The following RGS12 variants were observed in gnomAD, a reference collection of about 807,000 sequenced individuals.
RGS12 encodes regulator of G protein signaling 12, also known as regulator of G-protein signaling 12.
In RGS12, 66 loss-of-function variants were observed where a neutral mutation model predicts 120.1. The ratio of observed to expected loss-of-function variants is 0.55; its 90% confidence interval spans 0.45 to 0.67. The LOEUF is 0.67. Ranked by LOEUF, RGS12 falls within the 30% of genes least tolerant of loss-of-function variation. The pLI is 0.00. For synonymous variants in RGS12, 827 were observed against 804.7 expected, an observed-to-expected ratio of 1.03 and a Z score of -0.47; for missense variants, 1,859 against 1,957.7, an observed-to-expected ratio of 0.95 and a Z score of 0.95.
At chr4:3,431,385 T>G (rs971038070) in intron 17 of RGS12, 1 of 1,027,704 alleles carries the variant, frequency 9.7e-7, no homozygotes, top group Non-Finnish European at 1.2e-6. Context: ...TGAAGCCCGC[T>G]GTGTTCATAG....
chr4:3,301,191 T>TC (rs569807057), intron 1 of RGS12, among the ~76,000 whole-genome samples: 5 of 150,398 alleles, frequency 3.3e-5, no homozygotes, highest in African/African-American at 1.2e-4. Context: ...ACGGGGTCTG[T>TC]CCCGGCTGCC....
chr4:3,361,753 C>T lies in RGS12; in HGVS notation c.1998+18700C>T, dbSNP rs116386524. On this transcript the variant is annotated intron_variant, in intron 3 of 17. Transcript: ENST00000336727. Reference sequence around the variant, plus strand: ...TTCTGCAAGGGAGGCAGTGACAGGCCTGTTGAGGAAGGATGCAGTCAGAGG... The same window carrying T: ...TTCTGCAAGGGAGGCAGTGACAGGCTTGTTGAGGAAGGATGCAGTCAGAGG... 7.6e-3 allele frequency among the ~76,000 whole-genome samples: 1,160 copies of T among 152,288 alleles called. 20 individuals carry two copies. The highest frequency in any genetic ancestry group is 0.027 in the African/African-American group (1,116 of 41,554).
chr4:3,362,482 ATG>A (rs1490211253), intron 3 of RGS12, among the ~76,000 whole-genome samples: 2 of 44,224 alleles, frequency 4.5e-5, no homozygotes, highest in African/African-American at 1.5e-4. Context: ...GGGTGTGTGT[ATG>A]TGAGGGTGTG....
intron 1 of RGS12, among the ~76,000 whole-genome samples, chr4:3,308,990 G>C (rs919960864): frequency 2.0e-5 from 3 of 152,132 alleles, no homozygotes; most frequent in Non-Finnish European, 2.9e-5. Context: ...GCAGGTGTCC[G>C]CTGAGGGGAA....
intron 17 of RGS12, among the ~76,000 whole-genome samples, chr4:3,435,703 C>G (rs1443631605): frequency 6.6e-6 from 1 of 152,114 alleles, no homozygotes; most frequent in Non-Finnish European, 1.5e-5. Context: ...ACACGTGGTC[C>G]TCCCGGATCC....
At chr4:3,307,921 A>G (rs1338863025) in intron 1 of RGS12, among the ~76,000 whole-genome samples, 1 of 152,254 alleles carries the variant, frequency 6.6e-6, no homozygotes, top group Non-Finnish European at 1.5e-5. Context: ...AGAGCAGGGC[A>G]TATTTTCCTT....
At chr4:3,318,157 G>C in intron 2 of RGS12, 106 bp downstream of exon 2, 1 of 1,018,114 alleles carries the variant, frequency 9.8e-7, no homozygotes, top group Non-Finnish European at 1.4e-6. Flanking sequence ...GCTTCCTCCT[G>C]CTGGCCCTGT....
chr4:3,381,385 G>A (rs963216424), intron 3 of RGS12, among the ~76,000 whole-genome samples: 5 of 152,204 alleles, frequency 3.3e-5, no homozygotes, highest in African/African-American at 1.2e-4. Flanking sequence ...CTTTACGGCA[G>A]CACCCTACTT....
chr4:3,328,635 A>G (rs1469549065), intron 2 of RGS12, among the ~76,000 whole-genome samples: 1 of 152,228 alleles, frequency 6.6e-6, no homozygotes, highest in Non-Finnish European at 1.5e-5. Flanking sequence ...GACTACGACT[A>G]TATATACATA....
At chr4:3,353,220 T>A (rs1006438231) in intron 3 of RGS12, among the ~76,000 whole-genome samples, 1 of 152,194 alleles carries the variant, frequency 6.6e-6, no homozygotes, top group African/African-American at 2.4e-5. Context: ...TAACGAGGCC[T>A]GGGGCAGGAC....
At chr4:3,425,376 G>A in intron 13 of RGS12, 88 bp from the exon 14 acceptor site, 1 of 1,176,772 alleles carries the variant, frequency 8.5e-7, no homozygotes, top group Non-Finnish European at 1.3e-6. Flanking sequence ...TCAAGCCTAG[G>A]ACAGTCATGC....
chr4:3,337,676 G>A (rs1712623544), intron 2 of RGS12, among the ~76,000 whole-genome samples: 1 of 152,150 alleles, frequency 6.6e-6, no homozygotes, highest in South Asian at 2.1e-4. Context: ...CAGAAAGCGG[G>A]AGAGGGGGCC....
chr4:3,385,266 G>A (rs981577935), intron 3 of RGS12: 14 of 152,348 alleles, frequency 9.2e-5, no homozygotes, highest in African/African-American at 3.4e-4. Flanking sequence ...GACAGAAGTG[G>A]GTCCTTGCCA....
At chr4:3,318,609 C>T (rs1724968753) in intron 2 of RGS12, among the ~76,000 whole-genome samples, 1 of 152,238 alleles carries the variant, frequency 6.6e-6, no homozygotes, top group African/African-American at 2.4e-5. Context: ...AGGGGTACCT[C>T]AAGGTGTGTA....
chr4:3,362,481 TATGTGAGGGTGTGTGTGAGGGTGC>T (rs1715691719), intron 3 of RGS12, among the ~76,000 whole-genome samples: 1 of 76,778 alleles, frequency 1.3e-5, no homozygotes, highest in African/African-American at 4.4e-5. Context: ...AGGGTGTGTG[TATGTGAGGGTGTGTGTGAGGGTGC>T]GAGGATCAGT....
At chr4:3,393,913 C>G (rs1430894259) in intron 4 of RGS12, among the ~76,000 whole-genome samples, 6 of 152,204 alleles carry the variant, frequency 3.9e-5, no homozygotes, top group Non-Finnish European at 7.3e-5. Context: ...GCAGGTTCTC[C>G]TCTCCCCAGG....
intron 3 of RGS12, among the ~76,000 whole-genome samples, chr4:3,376,871 C>T (rs1451698716): frequency 6.6e-6 from 1 of 152,182 alleles, no homozygotes; most frequent in Non-Finnish European, 1.5e-5. Context: ...CCCAGATGCA[C>T]CTTTCCGAGG....
chr4:3,316,864 G>C lies in RGS12; in HGVS notation c.694G>C (p.Val232Leu). ...DASILNVAMI[V>L]GYLGSIELPS... ...AAGTATTTTAAACGTGGCGATGATC[G>C]TGGGCTACTTAGGCTCCATTGAGCT... Residue 232 changes from valine (V) to leucine (L), a missense_variant, in exon 2 of 18, where the codon GTG becomes CTG. By Grantham distance (32) the Val-to-Leu change is conservative. Transcript: ENST00000336727. 6.2e-7 allele frequency: 1 copy of C among 1,614,160 alleles called. No homozygotes were observed. Among genetic ancestry groups the C allele is most frequent in the South Asian group, 1.1e-5 (1 of 91,090 alleles).
intron 11 of RGS12, 70 bp from the exon 12 acceptor site, chr4:3,422,835 G>T: frequency 8.9e-6 from 12 of 1,345,572 alleles, no homozygotes; most frequent in Middle Eastern, 3.7e-4. Flanking sequence ...TGTGTGCCTG[G>T]GGCACGTGGG....
Sources: gnomAD v4.1 joint callset for allele counts (sites outside exome capture counted in the v4.1 genomes callset) on GRCh38, gnomAD v4.1.1 for gene constraint, MANE v1.5 for transcripts, NCBI Gene and HGNC (gene_info 2026-07-23, HGNC 2026-07-21) for gene names.